Variants in CD84 observed in about 807,000 individuals in gnomAD.
The protein encoded by CD84 is SLAM family member 5.
CD84 carries 22 observed loss-of-function variants against 33.8 expected under a neutral mutation model. That is an observed-to-expected ratio of 0.65 (90% CI 0.46 to 0.93). The LOEUF is 0.93. CD84 is among the 40% of genes least tolerant of loss of function. CD84 has a pLI of 0.00. For missense variants in CD84, 400 were observed against 397.6 expected (o/e 1.01, Z -0.05); for synonymous variants, 154 against 145.2 (o/e 1.06, Z -0.44).
chr1:160,553,315 T>C, intron 4 of CD84, 63 bp downstream of exon 4: 2 of 1,613,528 alleles, frequency 1.2e-6, no homozygotes, highest in South Asian at 1.1e-5. Flanking sequence ...CTTGGATAAA[T>C]GGCTTCAGTC....
intron 4 of CD84, chr1:160,552,772 T>C (rs1656321958): frequency 2.6e-6 from 4 of 1,511,688 alleles, no homozygotes; most frequent in Admixed American, 2.0e-5. Context: ...GTCAGGAACA[T>C]GGAAGCAGAA....
chr1:160,548,197 A>C lies in CD84; in HGVS notation c.*59T>G. 6.4e-7 allele frequency: 1 copy of C among 1,565,226 alleles called. No homozygotes were observed. The highest frequency in any genetic ancestry group is 1.1e-5 in the South Asian group (1 of 89,866). ...GGGCAGAGAAGATCTGGATCCAGGG[A>C]ACCTGCCAGTATTGGTGGTTGTAAC... On this transcript the variant is annotated 3_prime_UTR_variant, in exon 7 of 7. Transcript: ENST00000368054.
intron 1 of CD84, among the ~76,000 whole-genome samples, chr1:160,571,755 C>T (rs973521868): frequency 2.6e-5 from 4 of 152,164 alleles, no homozygotes; most frequent in African/African-American, 9.7e-5. Context: ...CATGGCCTCT[C>T]TGGAACTCCA....
intron 1 of CD84, among the ~76,000 whole-genome samples, chr1:160,578,456 G>A (rs1381714257): frequency 1.3e-5 from 2 of 152,122 alleles, no homozygotes; most frequent in Non-Finnish European, 2.9e-5. Context: ...AATGGCCAAA[G>A]AAACCAGAGA....
chr1:160,551,095 C>T (rs1656187923), intron 4 of CD84, 60 bp from the exon 5 acceptor site: 6 of 1,198,044 alleles, frequency 5.0e-6, no homozygotes, highest in Non-Finnish European at 7.5e-6. Flanking sequence ...TAGCAATGAT[C>T]TATTCCAATG....
chr1:160,554,108 C>A lies in CD84; in HGVS notation c.427G>T (p.Ala143Ser). The A allele has an allele frequency of 6.2e-7, 1 of 1,613,908 alleles. No individual in the cohort carries two copies. The highest frequency in any genetic ancestry group is 2.2e-5 in the East Asian group (1 of 44,882). Residue 143 changes from alanine to serine, a missense_variant, in exon 3 of 7, where the codon GCA (alanine) becomes TCA (serine). Coordinates refer to ENST00000368054, the MANE Select transcript of CD84 (RefSeq NM_003874.4). ...GKPKITQSLMASVNSTCNVTL... is the reference protein window; with the variant it reads ...GKPKITQSLMSSVNSTCNVTL... ...ACATTACAGGTGCTGTTCACAGATG[C>A]CATTAAACTCTGTGTAATTTTTGGT...
rs1433395957 is a variant in CD84, at chr1:160,543,330, G to A, written c.*4926C>T. The A allele has an allele frequency of 6.6e-6, 1 of 152,172 alleles. No individual in the cohort carries two copies. Among genetic ancestry groups the A allele is most frequent in the African/African-American group, 2.4e-5 (1 of 41,430 alleles). The allele number at this position is 152,172 out of a possible 1,614,324, so 9.4% of individuals were successfully genotyped here. A position where few individuals can be genotyped will look rare whatever the true frequency, so the allele number is the denominator to read the frequency against. Reference sequence around the variant, plus strand: ...AGTACCAGGTAGGGAGAATCCACAGGAGGTAAAAAAGGGCCACATGGCAGA... The same window carrying A: ...AGTACCAGGTAGGGAGAATCCACAGAAGGTAAAAAAGGGCCACATGGCAGA... On this transcript the variant is annotated 3_prime_UTR_variant, in exon 7 of 7. Transcript: ENST00000368054.
In CD84 at chr1:160,558,742, TA is replaced by T. The variant is rs1190404245; in HGVS notation, c.389-4597del. Among the ~76,000 whole-genome samples the T allele has an allele frequency of 7.2e-5, 11 of 152,180 alleles. No homozygotes were observed. In the East Asian group the frequency reaches 2.1e-3, roughly 29 times the overall value. On this transcript the variant is annotated intron_variant, in intron 2 of 6. Transcript: ENST00000368054. ...AATGCAAAGAAGCTAAGAATTATGA[TA>T]AGACAATACAGGAGCTGATAGCCAG...
At chr1:160,562,942 C>T (rs557994381) in intron 2 of CD84, among the ~76,000 whole-genome samples, 1 of 152,200 alleles carries the variant, frequency 6.6e-6, no homozygotes, top group African/African-American at 2.4e-5. Flanking sequence ...CATGAACAGA[C>T]ACTTCTCAAA....
chr1:160,556,872 A>G (rs1656645670), intron 2 of CD84, among the ~76,000 whole-genome samples: 2 of 152,200 alleles, frequency 1.3e-5, no homozygotes, highest in African/African-American at 4.8e-5. Context: ...TCAATATCTT[A>G]AAATTGAATA....
At chr1:160,553,807 C>A in intron 3 of CD84, 88 bp downstream of exon 3, 1 of 1,588,716 alleles carries the variant, frequency 6.3e-7, no homozygotes, top group South Asian at 1.1e-5. Flanking sequence ...AAGCACATCT[C>A]CCTAGAGAAT....
chr1:160,563,537 G>A (rs1022955974), intron 2 of CD84, among the ~76,000 whole-genome samples: 1 of 152,112 alleles, frequency 6.6e-6, no homozygotes, highest in African/African-American at 2.4e-5. Context: ...ATAAGTGGGA[G>A]ATGAATGATG....
chr1:160,554,146 C>A lies in CD84; in HGVS notation c.389G>T (p.Arg130Leu). The change falls in exon 3 of 7, where the codon CGT becomes CTT. Residue 130 changes from arginine to leucine, a missense_variant and splice_region_variant. Transcript: ENST00000368054. Reference sequence around the variant, plus strand: ...TGTAATTTTTGGTTTCCCAAGCCGACCTGTGGGGGCAAACACATGAGCCAA... The same window carrying A: ...TGTAATTTTTGGTTTCCCAAGCCGAACTGTGGGGGCAAACACATGAGCCAA... Reference protein sequence around the residue: ...TTKRYNLQIYRRLGKPKITQS... With the variant: ...TTKRYNLQIYLRLGKPKITQS... 6.2e-7 allele frequency: 1 copy of A among 1,607,724 alleles called. No homozygotes were observed. Among genetic ancestry groups the A allele is most frequent in the Admixed American group, 1.7e-5 (1 of 59,812 alleles).
chr1:160,565,287 T>C lies in CD84; in HGVS notation c.388+117A>G, dbSNP rs1024229164. On this transcript the variant is annotated intron_variant, in intron 2 of 6. Coordinates refer to ENST00000368054, the MANE Select transcript of CD84 (RefSeq NM_003874.4). Reference sequence around the variant, plus strand: ...AAGTATTGATGTATCAATATGTAAGTATTTATAGATATAAAAAGATTTAGG... The same window carrying C: ...AAGTATTGATGTATCAATATGTAAGCATTTATAGATATAAAAAGATTTAGG... 4 of 697,014 alleles carry C rather than the reference T, an allele frequency of 5.7e-6. No homozygotes were observed. In the African/African-American group the frequency reaches 7.3e-5, roughly 13 times the overall value. The allele number at this position is 697,014 out of a possible 1,614,324, so 43.2% of individuals were successfully genotyped here. A position where few individuals can be genotyped will look rare whatever the true frequency, so the allele number is the denominator to read the frequency against.
Position 160,550,967 on chromosome 1 carries a change from T to C in CD84, c.829A>G (p.Arg277Gly). 1 of 1,614,174 alleles carries C rather than the reference T, an allele frequency of 6.2e-7. No homozygotes were observed. The highest frequency in any genetic ancestry group is 1.1e-5 in the South Asian group (1 of 91,084). ...ASRNTQPAESRIYDEILQSKV... is the reference protein window; with the variant it reads ...ASRNTQPAESGIYDEILQSKV... The stretch of plus-strand genomic sequence containing the variant: ...GACTGCAGGATTTCATCATAGATTC[T>C]GGACTCTGCTGGCTGGGTGTTCCTT... The change falls in exon 5 of 7, where the codon AGA becomes GGA. Residue 277 changes from arginine to glycine, a missense_variant. By Grantham distance (125) the Arg-to-Gly change is moderately radical (BLOSUM62 -2). Transcript: ENST00000368054.
At chr1:160,569,613 A>C (rs771817028) in intron 1 of CD84, among the ~76,000 whole-genome samples, 22 of 152,128 alleles carry the variant, frequency 1.4e-4, no homozygotes, top group Non-Finnish European at 2.8e-4. Context: ...ATTCAAGTGA[A>C]TGGTAGAAAC....
intron 1 of CD84, among the ~76,000 whole-genome samples, chr1:160,575,972 T>C (rs1228269994): frequency 1.3e-5 from 2 of 152,196 alleles, no homozygotes; most frequent in Admixed American, 6.5e-5. Context: ...AAGCTGGGTT[T>C]TTGATAAGCA....
chr1:160,567,272 G>A (rs898280241), intron 1 of CD84, among the ~76,000 whole-genome samples: 1 of 152,132 alleles, frequency 6.6e-6, no homozygotes, highest in African/African-American at 2.4e-5. Context: ...CAAAAAAAGC[G>A]ATTTCTTAAC....
At chr1:160,551,144 T>A (rs924383108) in intron 4 of CD84, 109 bp from the exon 5 acceptor site, 2 of 824,070 alleles carry the variant, frequency 2.4e-6, no homozygotes, top group East Asian at 4.9e-5. Context: ...CCCCAGGGAT[T>A]AAATGGCTGC....
Sources: gnomAD v4.1 joint callset for allele counts (sites outside exome capture counted in the v4.1 genomes callset) on GRCh38, gnomAD v4.1.1 for gene constraint, MANE v1.5 for transcripts, NCBI Gene and HGNC (gene_info 2026-07-23, HGNC 2026-07-21) for gene names.